Variants in CARD8 observed in about 807,000 individuals in gnomAD.
CARD8 encodes caspase recruitment domain-containing protein 8.
CARD8 carries 38 observed loss-of-function variants against 53.2 expected under a neutral mutation model. The ratio of observed to expected loss-of-function variants is 0.71; its 90% CI spans 0.55 to 0.94. The LOEUF (loss-of-function observed/expected upper bound fraction) is 0.94, where lower values mean the gene tolerates loss of function less well. Among genes scored for constraint, CARD8 ranks in the 40% least tolerant of loss-of-function variants. CARD8 has a pLI of 0.00. For missense variants in CARD8, 561 were observed against 655.5 expected (o/e 0.86, Z 1.57); for synonymous variants, 245 against 244.9 (o/e 1.00, Z 0.00).
At chr19:48,247,299 G>T (rs561519339) in intron 3 of CARD8, among the ~76,000 whole-genome samples, 1 of 152,116 alleles carries the variant, frequency 6.6e-6, no homozygotes. Flanking sequence ...ACTCCAGCCT[G>T]GGTGACACAG....
rs112750720 is a variant in CARD8, at chr19:48,228,098, G to C, written c.1035+2340C>G. Among the ~76,000 whole-genome samples, 441 of 152,310 alleles carry C rather than the reference G, an allele frequency of 2.9e-3. 3 individuals are homozygous for C. The highest frequency in any genetic ancestry group is 0.01 in the African/African-American group (417 of 41,548). On this transcript the variant is annotated intron_variant, in intron 10 of 13. Transcript: ENST00000651546. ...CCTGCTGTGAACTGCCCATGCAAGG[G>C]ATCTAGGTTGCACGCCCTTTATGAG...
chr19:48,227,771 C>G (rs1200615819), intron 10 of CARD8, among the ~76,000 whole-genome samples: 2 of 150,156 alleles, frequency 1.3e-5, no homozygotes, highest in African/African-American at 4.9e-5. Flanking sequence ...CCACTGCACT[C>G]CAGCCTGGGT....
rs904205082 is a variant in CARD8, at chr19:48,241,423, T to C, written c.-43-360A>G. Reference sequence around the variant, plus strand: ...GGCATGCGCCACCATACCCGGCTAATTTTTCTATTTTTAGTATAGACAGGG... The same window carrying C: ...GGCATGCGCCACCATACCCGGCTAACTTTTCTATTTTTAGTATAGACAGGG... On this transcript the variant is annotated intron_variant, in intron 3 of 13. Coordinates refer to ENST00000651546, the MANE Select transcript of CARD8 (RefSeq NM_001184900.3). Among the ~76,000 whole-genome samples, 4 of 152,146 alleles carry C rather than the reference T, an allele frequency of 2.6e-5. No homozygotes were observed. The East Asian group carries it at 5.8e-4, about 22-fold the overall frequency.
downstream of CARD8, among the ~76,000 whole-genome samples, chr19:48,207,734 G>GGTT (rs1555790115): frequency 8.6e-6 from 1 of 116,552 alleles, no homozygotes; most frequent in African/African-American, 3.7e-5. Context: ...TTGTTTTTCT[G>GGTT]TTTTTTTTTT....
chr19:48,234,210 C>A, intron 6 of CARD8, 193 bp downstream of exon 6: 1 of 565,958 alleles, frequency 1.8e-6, no homozygotes, highest in South Asian at 2.5e-5. Flanking sequence ...GTTCTCTAGA[C>A]ACCTCCATGG....
chr19:48,247,390 T>A (rs2046294843), intron 3 of CARD8, among the ~76,000 whole-genome samples: 1 of 152,036 alleles, frequency 6.6e-6, no homozygotes, highest in African/African-American at 2.4e-5. Flanking sequence ...AATAGGGGAA[T>A]GAATAAAGAC....
intron 1 of CARD8, among the ~76,000 whole-genome samples, chr19:48,253,951 A>AC (rs1440176660): frequency 6.6e-6 from 1 of 152,198 alleles, no homozygotes; most frequent in Non-Finnish European, 1.5e-5. Flanking sequence ...AACAACTCAC[A>AC]CAGCCATTGA....
intron 10 of CARD8, among the ~76,000 whole-genome samples, chr19:48,224,836 G>A (rs1044044936): frequency 2.0e-5 from 3 of 149,358 alleles, no homozygotes; most frequent in Non-Finnish European, 4.4e-5. Flanking sequence ...GCTCACTGAA[G>A]CTCCACCTCC....
chr19:48,232,420 C>T (rs899257911), intron 7 of CARD8, 33 bp downstream of exon 7: 32 of 1,518,270 alleles, frequency 2.1e-5, no homozygotes, highest in Non-Finnish European at 2.6e-5. Context: ...TCAATCCACA[C>T]GCCCTTCACT....
At chr19:48,232,092 C>T in intron 7 of CARD8, 1 of 555,954 alleles carries the variant, frequency 1.8e-6, no homozygotes. Context: ...GGACTGGAAC[C>T]AATGCACCTA....
intron 11 of CARD8, among the ~76,000 whole-genome samples, chr19:48,220,385 TA>T (rs1369697417): frequency 6.6e-6 from 1 of 152,208 alleles, no homozygotes; most frequent in East Asian, 1.9e-4. Flanking sequence ...TACTGACACC[TA>T]ACCCTCTTGT....
Position 48,234,435 on chromosome 19 carries a change from A to T in CARD8, c.318T>A (p.Pro106=). Residue 106 remains proline (P), a synonymous_variant, in exon 6 of 14, where the codon CCT becomes CCA. Coordinates refer to ENST00000651546, the MANE Select transcript of CARD8 (RefSeq NM_001184900.3). ...EAEPLLFRAV[P]ECQLSGGDIP... ...TGTCCCCCCCAGATAGTTGACACTC[A>T]GGAACAGCACGGAACAATAATGGCT... The T allele has an allele frequency of 6.2e-7, 1 of 1,613,436 alleles. No homozygotes were observed. The highest frequency in any genetic ancestry group is 1.3e-5 in the African/African-American group (1 of 75,034).
chr19:48,219,108 T>G, intron 11 of CARD8, 96 bp from the exon 12 acceptor site: 1 of 1,083,512 alleles, frequency 9.2e-7, no homozygotes, highest in South Asian at 1.4e-5. Context: ...CCGTTTCCTG[T>G]GCAATGTCAT....
At chr19:48,249,092 G>T (rs1015215774) in intron 3 of CARD8, among the ~76,000 whole-genome samples, 2 of 152,004 alleles carry the variant, frequency 1.3e-5, no homozygotes, top group Non-Finnish European at 2.9e-5. Flanking sequence ...AGCTACTCGG[G>T]AGGCTGAGGC....
chr19:48,219,538 T>A (rs1258664789), intron 11 of CARD8, among the ~76,000 whole-genome samples: 1 of 152,046 alleles, frequency 6.6e-6, no homozygotes, highest in Non-Finnish European at 1.5e-5. Context: ...CTCATGCAAA[T>A]CTCTAGTTTC....
downstream of CARD8, chr19:48,203,148 G>A (rs960598135): frequency 6.6e-6 from 1 of 152,196 alleles, no homozygotes; most frequent in African/African-American, 2.4e-5. Flanking sequence ...ACAGTGCCTA[G>A]CCAATTAAAC....
chr19:48,247,168 AC>A (rs2046259997), intron 3 of CARD8, among the ~76,000 whole-genome samples: 1 of 152,162 alleles, frequency 6.6e-6, no homozygotes, highest in African/African-American at 2.4e-5. Context: ...TACGAAAAAT[AC>A]AAAAATTACC....
intron 10 of CARD8, among the ~76,000 whole-genome samples, chr19:48,226,518 C>A (rs569206881): frequency 2.0e-5 from 3 of 152,152 alleles, no homozygotes; most frequent in Non-Finnish European, 4.4e-5. Flanking sequence ...AGCCACCATG[C>A]CCAGCCCCAT....
intron 10 of CARD8, among the ~76,000 whole-genome samples, chr19:48,226,341 C>T (rs530482336): frequency 6.6e-6 from 1 of 152,170 alleles, no homozygotes; most frequent in East Asian, 1.9e-4. Flanking sequence ...CTCATGCCTC[C>T]ACCTCCCAAG....
Sources: allele counts gnomAD v4.1 joint callset (sites outside exome capture counted in the v4.1 genomes callset), GRCh38; gene constraint gnomAD v4.1.1; transcripts MANE v1.5; gene names NCBI Gene and HGNC (gene_info 2026-07-23, HGNC 2026-07-21).